DCC: variants seen among roughly 807,000 people sequenced by gnomAD.
The protein encoded by DCC is DCC netrin 1 receptor.
In DCC, 58 loss-of-function variants were observed where a neutral mutation model predicts 172.5. The observed-to-expected ratio is 0.34, with a 90% confidence interval of 0.27 to 0.42. The LOEUF (loss-of-function observed/expected upper bound fraction) is 0.42. Ranked by LOEUF, DCC falls within the 10% of genes least tolerant of loss-of-function variation. DCC has a pLI of 1.00. For missense variants in DCC, 1,740 were observed against 1,791.0 expected (o/e 0.97, Z 0.51); for synonymous variants, 709 against 644.5 (o/e 1.10, Z -1.52).
intron 12 of DCC, among the ~76,000 whole-genome samples, chr18:53,300,970 T>A (rs1277157752): frequency 7.4e-6 from 1 of 134,278 alleles, no homozygotes; most frequent in African/African-American, 2.8e-5. Flanking sequence ...TCATTCTTTC[T>A]TTCTTTCTTT....
chr18:53,516,700 C>G (rs1382083988), intron 27 of DCC, among the ~76,000 whole-genome samples: 1 of 150,326 alleles, frequency 6.7e-6, no homozygotes, highest in East Asian at 1.9e-4. Flanking sequence ...TGAAAAAATG[C>G]TTATCATCAC....
chr18:52,749,330 C>T (rs969997959), intron 1 of DCC, among the ~76,000 whole-genome samples: 7 of 152,294 alleles, frequency 4.6e-5, no homozygotes, highest in Non-Finnish European at 8.8e-5. Flanking sequence ...AGGCTTTTTT[C>T]GGCTTGAAGG....
At chr18:52,758,654 T>C (rs1433820793) in intron 2 of DCC, 1 of 149,558 alleles carries the variant, frequency 6.7e-6, no homozygotes, top group Non-Finnish European at 1.5e-5. Flanking sequence ...ACCTTTATGT[T>C]CTTACTTAAA....
chr18:52,596,292 T>C (rs2033909383), intron 1 of DCC, among the ~76,000 whole-genome samples: 1 of 152,212 alleles, frequency 6.6e-6, no homozygotes, highest in South Asian at 2.1e-4. Context: ...AAATATAATG[T>C]GTTCAACTTA....
At chr18:53,025,045 T>A (rs2143936442) in intron 5 of DCC, among the ~76,000 whole-genome samples, 1 of 152,268 alleles carries the variant, frequency 6.6e-6, no homozygotes, top group Non-Finnish European at 1.5e-5. Flanking sequence ...TGGAGAAGGC[T>A]GATTCTTGAA....
chr18:52,382,807 C>T (rs1303159379), intron 1 of DCC, among the ~76,000 whole-genome samples: 1 of 152,038 alleles, frequency 6.6e-6, no homozygotes, highest in Non-Finnish European at 1.5e-5. Context: ...TCCATTGTTA[C>T]ATAACTCGTA....
chr18:52,983,009 A>G (rs2041235484), intron 5 of DCC, among the ~76,000 whole-genome samples: 1 of 152,170 alleles, frequency 6.6e-6, no homozygotes, highest in Non-Finnish European at 1.5e-5. Context: ...GTGCTGGTTT[A>G]CATCTGTTTT....
chr18:52,509,182 T>A (rs1457629604), intron 1 of DCC, among the ~76,000 whole-genome samples: 1 of 152,248 alleles, frequency 6.6e-6, no homozygotes, highest in Non-Finnish European at 1.5e-5. Context: ...GTGTTGTAAA[T>A]GTAAAAATAT....
intron 15 of DCC, among the ~76,000 whole-genome samples, chr18:53,385,554 G>A (rs1275083789): frequency 6.6e-6 from 1 of 152,172 alleles, no homozygotes; most frequent in Non-Finnish European, 1.5e-5. Flanking sequence ...CCCAGTGCTA[G>A]AGAGGAGACT....
chr18:52,628,510 G>A (rs1568263196), intron 1 of DCC, among the ~76,000 whole-genome samples: 1 of 152,170 alleles, frequency 6.6e-6, no homozygotes, highest in Non-Finnish European at 1.5e-5. Context: ...TGTGTGTACA[G>A]CCATTCATCC....
intron 2 of DCC, among the ~76,000 whole-genome samples, chr18:52,849,989 T>C (rs529126888): frequency 6.6e-6 from 1 of 152,256 alleles, no homozygotes; most frequent in Admixed American, 6.5e-5. Flanking sequence ...TAAAATAAAA[T>C]TGGAAGCAAA....
intron 14 of DCC, among the ~76,000 whole-genome samples, chr18:53,325,435 G>T (rs186982040): frequency 1.6e-3 from 242 of 152,228 alleles, no homozygotes; most frequent in Non-Finnish European, 1.8e-3. Flanking sequence ...AAAATATCCA[G>T]AATGAAACAG....
intron 1 of DCC, among the ~76,000 whole-genome samples, chr18:52,421,537 G>A (rs1032825923): frequency 6.6e-6 from 1 of 152,182 alleles, no homozygotes; most frequent in South Asian, 2.1e-4. Context: ...CCCCAGCCCT[G>A]CCTCAGGCTC....
chr18:52,455,762 C>A (rs539080454), intron 1 of DCC, among the ~76,000 whole-genome samples: 15 of 152,214 alleles, frequency 9.9e-5, no homozygotes, highest in African/African-American at 3.1e-4. Flanking sequence ...GTTATAAAAA[C>A]CAAATATAGC....
intron 5 of DCC, among the ~76,000 whole-genome samples, chr18:52,934,309 T>C (rs1051982199): frequency 2.0e-5 from 3 of 152,022 alleles, no homozygotes; most frequent in Non-Finnish European, 4.4e-5. Flanking sequence ...TCTAGAAACA[T>C]AGACATCCCT....
chr18:53,461,887 G>C (rs1269182561), intron 24 of DCC, among the ~76,000 whole-genome samples: 2 of 152,108 alleles, frequency 1.3e-5, no homozygotes, highest in African/African-American at 4.8e-5. Context: ...AGGGACTGGG[G>C]GTCAGAATTT....
At chr18:53,467,828 C>A in intron 24 of DCC, 66 bp from the exon 25 acceptor site, 1 of 850,044 alleles carries the variant, frequency 1.2e-6, no homozygotes, top group Non-Finnish European at 2.1e-6. Flanking sequence ...GGAATGCCTG[C>A]TAGAAATTAG....
rs1020812638 is a variant in DCC at position 53,116,644 on chromosome 18, C to T, written c.1262-40712C>T. On this transcript the variant is annotated intron_variant, in intron 7 of 28. Coordinates refer to ENST00000442544, the MANE Select transcript of DCC (RefSeq NM_005215.4). ...TAAACATGAAAGTACTCTTGGGTTT[C>T]AGATCAGGAATTATTAAAAATGATT... Among the ~76,000 whole-genome samples, 74 of 151,644 alleles carry T rather than the reference C, an allele frequency of 4.9e-4. 1 individual carries two copies. The highest frequency in any genetic ancestry group is 4.6e-4 in the Admixed American group (7 of 15,194).
chr18:53,120,995 G>T (rs549215454), intron 7 of DCC, among the ~76,000 whole-genome samples: 29 of 151,918 alleles, frequency 1.9e-4, no homozygotes, highest in African/African-American at 6.7e-4. Flanking sequence ...AAAGAATTAA[G>T]GGGGAAAATA....
Sources: gnomAD v4.1 joint callset for allele counts (sites outside exome capture counted in the v4.1 genomes callset) on GRCh38, gnomAD v4.1.1 for gene constraint, MANE v1.5 for transcripts, NCBI Gene and HGNC (gene_info 2026-07-23, HGNC 2026-07-21) for gene names.